The following SYT9 variants were observed in gnomAD, a reference collection of about 807,000 sequenced individuals.
SYT9 encodes synaptotagmin 9, also known as synaptotagmin-9.
SYT9 carries 22 observed loss-of-function variants against 48.4 expected under a neutral mutation model. That is an observed-to-expected ratio of 0.45 (90% CI 0.32 to 0.65). The LOEUF (loss-of-function observed/expected upper bound fraction) is 0.65, where lower values mean the gene tolerates loss of function less well. Ranked by LOEUF, SYT9 falls within the 30% of genes least tolerant of loss-of-function variation. The probability of loss-of-function intolerance (pLI) is 0.03; values close to 1 mark genes in which losing one functional copy is unlikely to be tolerated. For synonymous variants in SYT9, 265 were observed against 245.0 expected (o/e 1.08, Z -0.76); for missense variants, 577 against 622.0 (o/e 0.93, Z 0.77).
intron 1 of SYT9, among the ~76,000 whole-genome samples, chr11:7,302,654 G>C (rs1344641367): frequency 6.6e-6 from 1 of 152,206 alleles, no homozygotes; most frequent in Non-Finnish European, 1.5e-5. Flanking sequence ...CAGAATAATT[G>C]TTAAGGACAT....
intron 3 of SYT9, among the ~76,000 whole-genome samples, chr11:7,340,295 G>C (rs1451185484): frequency 6.6e-6 from 1 of 152,132 alleles, no homozygotes; most frequent in East Asian, 1.9e-4. Flanking sequence ...CTTGAGATGA[G>C]TTTGCCATTC....
At chr11:7,311,497 G>A (rs1157731922) in intron 2 of SYT9, among the ~76,000 whole-genome samples, 1 of 152,206 alleles carries the variant, frequency 6.6e-6, no homozygotes, top group Non-Finnish European at 1.5e-5. Flanking sequence ...GGGCTGACAT[G>A]AGATTATTGT....
chr11:7,417,470 G>A (rs941720804), intron 4 of SYT9, among the ~76,000 whole-genome samples: 4 of 152,048 alleles, frequency 2.6e-5, no homozygotes, highest in African/African-American at 9.7e-5. Flanking sequence ...GCCACTCTAG[G>A]GGCTCAAGGT....
chr11:7,256,103 A>C (rs925108), intron 1 of SYT9, among the ~76,000 whole-genome samples: 149,544 of 152,300 alleles, frequency 0.98, 73,483 homozygotes, highest in Middle Eastern at 1. Flanking sequence ...AGCCTAACTT[A>C]TCTAGATCCA....
intron 6 of SYT9, among the ~76,000 whole-genome samples, chr11:7,437,384 C>T (rs1005343198): frequency 9.2e-5 from 14 of 152,194 alleles, no homozygotes; most frequent in African/African-American, 3.1e-4. Flanking sequence ...AAAAGTTTCA[C>T]GAAATTAATA....
intron 6 of SYT9, among the ~76,000 whole-genome samples, chr11:7,428,424 C>G (rs1847507211): frequency 6.6e-6 from 1 of 152,208 alleles, no homozygotes; most frequent in Non-Finnish European, 1.5e-5. Flanking sequence ...TAGGCCAGTT[C>G]TTTCCCCGCA....
chr11:7,280,436 A>G (rs373311173), intron 1 of SYT9, among the ~76,000 whole-genome samples: 13 of 152,378 alleles, frequency 8.5e-5, no homozygotes, highest in African/African-American at 2.9e-4. Flanking sequence ...TAGTTTTTTA[A>G]TATTGGAAGA....
At chr11:7,276,818 C>T (rs748524876) in intron 1 of SYT9, among the ~76,000 whole-genome samples, 14 of 151,842 alleles carry the variant, frequency 9.2e-5, no homozygotes, top group Admixed American at 3.3e-4. Context: ...GAAGCCAAGG[C>T]GGGTGGATCA....
At chr11:7,274,870 A>G (rs1161517671) in intron 1 of SYT9, among the ~76,000 whole-genome samples, 1 of 151,956 alleles carries the variant, frequency 6.6e-6, no homozygotes, top group Non-Finnish European at 1.5e-5. Flanking sequence ...TGGGTCCCCA[A>G]CCTCTTCCTC....
intron 6 of SYT9, among the ~76,000 whole-genome samples, chr11:7,424,224 A>C (rs1261077660): frequency 6.6e-6 from 1 of 152,154 alleles, no homozygotes; most frequent in African/African-American, 2.4e-5. Context: ...CTCTCGCAGG[A>C]ATTCTGGATG....
chr11:7,286,631 T>G (rs188779101), intron 1 of SYT9, among the ~76,000 whole-genome samples: 302 of 152,346 alleles, frequency 2.0e-3, no homozygotes, highest in Non-Finnish European at 3.9e-3. Context: ...AGGCTGCAAA[T>G]TTTCCAAACT....
At chr11:7,293,539 T>C (rs530748999) in intron 1 of SYT9, among the ~76,000 whole-genome samples, 27 of 152,344 alleles carry the variant, frequency 1.8e-4, no homozygotes, top group Non-Finnish European at 3.4e-4. Flanking sequence ...AGTTAATTAG[T>C]ACTCACTGAC....
At chr11:7,314,073 C>T (rs1321918189) in intron 3 of SYT9, 132 bp downstream of exon 3, 7 of 988,674 alleles carry the variant, frequency 7.1e-6, no homozygotes, top group Non-Finnish European at 1.1e-5. Context: ...ATTTCAGAAC[C>T]TCCTTGTACC....
intron 3 of SYT9, among the ~76,000 whole-genome samples, chr11:7,347,570 T>C (rs1849826180): frequency 6.6e-6 from 1 of 152,188 alleles, no homozygotes; most frequent in African/African-American, 2.4e-5. Context: ...AAGTTTCATA[T>C]GCAGCTTCAG....
intron 3 of SYT9, among the ~76,000 whole-genome samples, chr11:7,399,219 A>G (rs1846826367): frequency 6.6e-6 from 1 of 152,186 alleles, no homozygotes. Context: ...TGGTGTTGGA[A>G]TGAACACCAT....
At chr11:7,384,831 C>T (rs572252399) in intron 3 of SYT9, among the ~76,000 whole-genome samples, 8 of 152,258 alleles carry the variant, frequency 5.3e-5, no homozygotes, top group East Asian at 1.9e-4. Flanking sequence ...CTTTGTTTCT[C>T]ACTATACTCC....
chr11:7,278,172 G>A (rs1380509171), intron 1 of SYT9, among the ~76,000 whole-genome samples: 2 of 152,098 alleles, frequency 1.3e-5, no homozygotes, highest in African/African-American at 4.8e-5. Flanking sequence ...GGGCAAGGGG[G>A]CTGAGCATGC....
At chr11:7,414,313 G>T (rs539436788) in intron 3 of SYT9, among the ~76,000 whole-genome samples, 53 of 152,330 alleles carry the variant, frequency 3.5e-4, no homozygotes, top group African/African-American at 1.2e-3. Context: ...AGAGAGCTAG[G>T]TGCCGTGAAA....
At chr11:7,335,552 T>C (rs1168257209) in intron 3 of SYT9, among the ~76,000 whole-genome samples, 2 of 152,150 alleles carry the variant, frequency 1.3e-5, no homozygotes, top group East Asian at 3.9e-4. Context: ...TACTTGTAAG[T>C]GAGAACATGT....
Sources: gnomAD v4.1 joint callset for allele counts (sites outside exome capture counted in the v4.1 genomes callset) on GRCh38, gnomAD v4.1.1 for gene constraint, MANE v1.5 for transcripts, NCBI Gene and HGNC (gene_info 2026-07-23, HGNC 2026-07-21) for gene names.